ZNF510: variants seen among roughly 807,000 people sequenced by gnomAD.
ZNF510 encodes zinc finger protein 510.
In ZNF510, 15 loss-of-function variants were observed where a neutral mutation model predicts 18.1. The ratio of observed to expected loss-of-function variants is 0.83; its 90% CI spans 0.55 to 1.28. The LOEUF is 1.28. Among genes scored for constraint, ZNF510 ranks in the 50% most tolerant of loss-of-function variants. The pLI is 0.00. For missense variants in ZNF510, 724 were observed against 791.8 expected, an observed-to-expected ratio of 0.91 and a Z score of 1.03; for synonymous variants, 261 against 266.4, an observed-to-expected ratio of 0.98 and a Z score of 0.20.
intron 3 of ZNF510, among the ~76,000 whole-genome samples, chr9:96,765,947 GTGT>G (rs1564438299): frequency 6.6e-6 from 1 of 152,114 alleles, no homozygotes; most frequent in African/African-American, 2.4e-5. Context: ...ATTAGTTATG[GTGT>G]TGTTGGCCAT....
chr9:96,769,945 G>A (rs1200350866), intron 3 of ZNF510, among the ~76,000 whole-genome samples: 1 of 152,198 alleles, frequency 6.6e-6, no homozygotes, highest in African/African-American at 2.4e-5. Flanking sequence ...TGGAGAAAGT[G>A]GAACCCTAAT....
intron 1 of ZNF510, chr9:96,777,524 A>G (rs1408224685): frequency 6.6e-6 from 1 of 152,232 alleles, no homozygotes. Flanking sequence ...GGGAATCAAC[A>G]TTTACATGCT....
rs1849166992 is a variant in ZNF510, at chr9:96,755,177, A to G, written c.*3601T>C. On this transcript the variant is annotated 3_prime_UTR_variant, in exon 6 of 6. Transcript: ENST00000223428. The stretch of plus-strand genomic sequence containing the variant: ...CCCAATGACTCAGGCCACCTCGGTG[A>G]ATCAGTTCCACCCTACAGGGTTCCT... Among the ~76,000 whole-genome samples the G allele has an allele frequency of 6.6e-6, 1 of 152,198 alleles. No homozygotes were observed. The highest frequency in any genetic ancestry group is 1.5e-5 in the Non-Finnish European group (1 of 68,040).
rs1392572842 is a variant in ZNF510 at position 96,755,223 on chromosome 9, G to T, written c.*3555C>A. 6.6e-6 allele frequency among the ~76,000 whole-genome samples: 1 copy of T among 152,196 alleles called. No individual in the cohort carries two copies. Among genetic ancestry groups the T allele is most frequent in the Admixed American group, 6.5e-5 (1 of 15,280 alleles). ...TTCCTGATCCTTAATACCAAACCCAGTCATAATCCTCAAATATCCTATTTA... is the reference window on the plus strand; with the variant it reads ...TTCCTGATCCTTAATACCAAACCCATTCATAATCCTCAAATATCCTATTTA... On this transcript the variant is annotated 3_prime_UTR_variant, in exon 6 of 6. Transcript: ENST00000223428.
intron 3 of ZNF510, among the ~76,000 whole-genome samples, chr9:96,773,981 C>A (rs1157500547): frequency 6.6e-6 from 1 of 152,206 alleles, no homozygotes; most frequent in African/African-American, 2.4e-5. Context: ...TTTAATCTAC[C>A]CAGTCTGTGG....
At chr9:96,771,511 G>A (rs982804451) in intron 3 of ZNF510, among the ~76,000 whole-genome samples, 2 of 151,570 alleles carry the variant, frequency 1.3e-5, no homozygotes, top group African/African-American at 2.4e-5. Context: ...CAAAAAACAT[G>A]TAGTTAAAAT....
At chr9:96,776,758 C>T (rs1849712052) in intron 1 of ZNF510, among the ~76,000 whole-genome samples, 1 of 152,184 alleles carries the variant, frequency 6.6e-6, no homozygotes, top group Non-Finnish European at 1.5e-5. Flanking sequence ...GCCCTCCAGC[C>T]TGGGCGACAG....
At chr9:96,776,767 A>T (rs1344377028) in intron 1 of ZNF510, among the ~76,000 whole-genome samples, 1 of 152,206 alleles carries the variant, frequency 6.6e-6, no homozygotes, top group Non-Finnish European at 1.5e-5. Flanking sequence ...CCTGGGCGAC[A>T]GAGAGAAACT....
At chr9:96,775,306 C>T (rs61500672) in intron 2 of ZNF510, among the ~76,000 whole-genome samples, 7,316 of 152,158 alleles carry the variant, frequency 0.048, 583 homozygotes, top group African/African-American at 0.17. Context: ...GCAATCTGCC[C>T]GCCTTGGCCT....
rs1015918989 is a variant in ZNF510 at position 96,778,051 on chromosome 9, T to C, written c.-194A>G. ...GCTCTCACCTGAGCTGCGAACCCTCTGCACCAGCAAACACTAACAGGGAGA... is the reference window on the plus strand; with the variant it reads ...GCTCTCACCTGAGCTGCGAACCCTCCGCACCAGCAAACACTAACAGGGAGA... On this transcript the variant is annotated 5_prime_UTR_variant, in exon 1 of 6. Coordinates refer to ENST00000223428, the MANE Select transcript of ZNF510 (RefSeq NM_014930.3). 6.6e-6 allele frequency: 1 copy of C among 152,324 alleles called. No homozygotes were observed. The highest frequency in any genetic ancestry group is 1.5e-5 in the Non-Finnish European group (1 of 68,116). 9.4% of individuals were successfully genotyped at this position (152,324 alleles called of 1,614,324 possible).
intron 3 of ZNF510, among the ~76,000 whole-genome samples, chr9:96,770,638 C>A (rs1409488812): frequency 1.3e-5 from 2 of 151,550 alleles, no homozygotes; most frequent in African/African-American, 4.8e-5. Context: ...GAAATAGTCA[C>A]AAAGATCACA....
intron 5 of ZNF510, among the ~76,000 whole-genome samples, chr9:96,762,229 G>A (rs75715075): frequency 2.0e-5 from 3 of 146,976 alleles, no homozygotes; most frequent in East Asian, 2.0e-4. Flanking sequence ...AAAAAAAGAG[G>A]CCAGGCACAG....
At chr9:96,767,038 A>C (rs1379009612) in intron 3 of ZNF510, among the ~76,000 whole-genome samples, 1 of 152,170 alleles carries the variant, frequency 6.6e-6, no homozygotes. Context: ...AAATCAAAAG[A>C]GAAATGAGGC....
intron 3 of ZNF510, among the ~76,000 whole-genome samples, chr9:96,771,469 G>C (rs1374963808): frequency 1.3e-5 from 2 of 149,580 alleles, no homozygotes; most frequent in Non-Finnish European, 3.0e-5. Context: ...AAATAAAAAA[G>C]GGAACTTCCT....
intron 3 of ZNF510, among the ~76,000 whole-genome samples, chr9:96,764,321 T>C (rs764982822): frequency 1.1e-4 from 17 of 152,224 alleles, no homozygotes; most frequent in Non-Finnish European, 2.2e-4. Flanking sequence ...GCCAGTTTTT[T>C]GTGTATGTGT....
Position 96,759,109 on chromosome 9 carries a change from C to G in ZNF510, c.1721G>C (p.Cys574Ser), listed in dbSNP as rs376290596. 3.8e-5 allele frequency: 61 copies of G among 1,614,116 alleles called. No homozygotes were observed. The African/African-American group carries it at 6.5e-4, about 17-fold the overall frequency. ...GGCAAAAGTTTTCCCACATTCGTTACATTTGAATGGTTTCTCTCCCGTGTG... is the reference window on the plus strand; with the variant it reads ...GGCAAAAGTTTTCCCACATTCGTTAGATTTGAATGGTTTCTCTCCCGTGTG... Reference protein sequence around the residue: ...KTHTGEKPFKCNECGKTFART... With the variant: ...KTHTGEKPFKSNECGKTFART... Residue 574 changes from cysteine (C) to serine (S), a missense_variant, in exon 6 of 6, where the codon TGT becomes TCT. By Grantham distance (112) the Cys-to-Ser change is moderately radical. Transcript: ENST00000223428.
intron 3 of ZNF510, among the ~76,000 whole-genome samples, chr9:96,766,560 T>C (rs78428987): frequency 0.055 from 8,274 of 151,472 alleles, 311 homozygotes; most frequent in Middle Eastern, 0.13. Flanking sequence ...ATATAGAAGA[T>C]TGAAAAGACA....
intron 1 of ZNF510, among the ~76,000 whole-genome samples, chr9:96,776,858 G>A (rs1849714419): frequency 6.6e-6 from 1 of 152,024 alleles, no homozygotes. Flanking sequence ...GTGAAGAAGT[G>A]ACCTAAGGCC....
rs77112317 is a variant in ZNF510 at position 96,765,229 on chromosome 9, G to A, written c.130-1597C>T. Among the ~76,000 whole-genome samples the A allele has an allele frequency of 9.2e-3, 1,404 of 152,274 alleles. 49 individuals carry two copies. In the East Asian group the frequency reaches 0.1, roughly 11 times the overall value. ...TTGCTATGCACCTGGCAAACATAGC[G>A]TCCAATTAGCATTTCTTATTATTCA... On this transcript the variant is annotated intron_variant, in intron 3 of 5. Coordinates refer to ENST00000223428, the MANE Select transcript of ZNF510 (RefSeq NM_014930.3).
Sources: allele counts gnomAD v4.1 joint callset (sites outside exome capture counted in the v4.1 genomes callset), GRCh38; gene constraint gnomAD v4.1.1; transcripts MANE v1.5; gene names NCBI Gene and HGNC (gene_info 2026-07-23, HGNC 2026-07-21).